C1GALT1: variants seen among roughly 807,000 people sequenced by gnomAD.
The protein encoded by C1GALT1 is core 1 synthase, glycoprotein-N-acetylgalactosamine 3-beta-galactosyltransferase 1, also known as glycoprotein-N-acetylgalactosamine 3-beta-galactosyltransferase 1.
Under a neutral mutation model 31.0 loss-of-function variants are expected in C1GALT1, and 11 were observed. The observed-to-expected ratio is 0.36, with a 90% confidence interval of 0.22 to 0.59. The LOEUF is 0.59. Among genes scored for constraint, C1GALT1 ranks in the 20% least tolerant of loss-of-function variants. The pLI, the probability that C1GALT1 is intolerant of heterozygous loss-of-function variation, is 0.79. For missense variants in C1GALT1, 424 were observed against 425.2 expected (o/e 1.00, Z 0.03); for synonymous variants, 175 against 143.6 (o/e 1.22, Z -1.56).
chr7:7,213,068 C>G (rs967311330), intron 1 of C1GALT1, among the ~76,000 whole-genome samples: 1 of 152,164 alleles, frequency 6.6e-6, no homozygotes, highest in African/African-American at 2.4e-5. Context: ...GTTGCTTAAA[C>G]TTTTTGAGTG....
intron 1 of C1GALT1, among the ~76,000 whole-genome samples, chr7:7,196,311 G>C (rs1781285479): frequency 6.6e-6 from 1 of 151,230 alleles, no homozygotes; most frequent in African/African-American, 2.4e-5. Context: ...AGAACATACG[G>C]TGTTTGGTTT....
At chr7:7,205,412 A>C (rs1781697832) in intron 1 of C1GALT1, among the ~76,000 whole-genome samples, 1 of 150,496 alleles carries the variant, frequency 6.6e-6, no homozygotes, top group Non-Finnish European at 1.5e-5. Flanking sequence ...TAATGTATTA[A>C]GAAAATTATA....
chr7:7,224,073 T>A (rs1232165507), intron 1 of C1GALT1, among the ~76,000 whole-genome samples: 1 of 152,226 alleles, frequency 6.6e-6, no homozygotes, highest in Non-Finnish European at 1.5e-5. Flanking sequence ...TTTTTAAATG[T>A]TGAACCATCC....
chr7:7,164,280 C>G (rs966848252), intron 2 of C1GALT1, among the ~76,000 whole-genome samples: 1 of 152,198 alleles, frequency 6.6e-6, no homozygotes, highest in Non-Finnish European at 1.5e-5. Flanking sequence ...AAAGCTGAAA[C>G]TGGATCCCTT....
At chr7:7,194,064 G>A (rs1326388942) in intron 1 of C1GALT1, among the ~76,000 whole-genome samples, 1 of 152,008 alleles carries the variant, frequency 6.6e-6, no homozygotes, top group Non-Finnish European at 1.5e-5. Context: ...CCAGTTCTAG[G>A]AGCTTTTTGG....
chr7:7,224,482 G>A (rs1782662845), intron 1 of C1GALT1, among the ~76,000 whole-genome samples: 1 of 151,906 alleles, frequency 6.6e-6, no homozygotes, highest in Non-Finnish European at 1.5e-5. Flanking sequence ...GGGGGGTGAG[G>A]GGAGTTTTAA....
rs187103088 is a variant in C1GALT1, at chr7:7,199,338, G to T, written c.-18+16518G>T. 2.0e-5 allele frequency among the ~76,000 whole-genome samples: 3 copies of T among 152,182 alleles called. No homozygotes were observed. In the East Asian group the frequency reaches 5.8e-4, roughly 29 times the overall value. Reference sequence around the variant, plus strand: ...GGCAGGTTGTTCAGTTTCCATGTAGGTGAGCGGTTTTGAGTGAGTTTCTTA... The same window carrying T: ...GGCAGGTTGTTCAGTTTCCATGTAGTTGAGCGGTTTTGAGTGAGTTTCTTA... On this transcript the variant is annotated intron_variant, in intron 1 of 3. Transcript: ENST00000436587.
In C1GALT1 at chr7:7,238,386, G is replaced by A. The variant is rs1429457677; in HGVS notation, c.352G>A (p.Val118Met). 2 of 1,614,098 alleles carry A rather than the reference G, an allele frequency of 1.2e-6. No individual in the cohort carries two copies. Among genetic ancestry groups the A allele is most frequent in the Non-Finnish European group, 1.7e-6 (2 of 1,179,994 alleles). Residue 118 changes from valine to methionine, a missense_variant, in exon 3 of 4, where the codon GTG (valine) becomes ATG (methionine). Transcript: ENST00000436587. This position sits in a 1 kb window ranked among gnomAD's most constrained non-coding sequence, Gnocchi z 5.2. ...KATWAQRCNK[V>M]LFMSSEENKD... ...TACTTGGGCCCAGCGTTGTAACAAA[G>A]TGTTGTTTATGAGTTCAGAAGAAAA...
At chr7:7,204,963 G>A (rs529069907) in intron 1 of C1GALT1, among the ~76,000 whole-genome samples, 93 of 152,240 alleles carry the variant, frequency 6.1e-4, no homozygotes, top group African/African-American at 2.0e-3. Flanking sequence ...TGTATCCTGG[G>A]AAATATCCCC....
intron 2 of C1GALT1, among the ~76,000 whole-genome samples, chr7:7,170,188 A>T (rs902801886): frequency 6.6e-6 from 1 of 151,948 alleles, no homozygotes; most frequent in Admixed American, 6.6e-5. Flanking sequence ...TTCTTTTGTC[A>T]GTTTAGCTAA....
chr7:7,185,904 T>G (rs1397760961), intron 1 of C1GALT1, among the ~76,000 whole-genome samples: 1 of 152,238 alleles, frequency 6.6e-6, no homozygotes, highest in Non-Finnish European at 1.5e-5. Context: ...GATGGGACAC[T>G]TACATTTATT....
Position 7,167,077 on chromosome 7 carries a change from G to GT in C1GALT1, c.-18+9652dup, listed in dbSNP as rs1780406390. Among the ~76,000 whole-genome samples the GT allele has an allele frequency of 2.0e-5, 3 of 152,308 alleles. No individual in the cohort carries two copies. In the South Asian group the frequency reaches 6.2e-4, roughly 32 times the overall value. The stretch of plus-strand genomic sequence containing the variant: ...GAGTATTCCACATAAATGCTCCTCT[G>GT]TATTACCCCAGGGTCTGGAAAAGTC... On this transcript the variant is annotated intron_variant, in intron 2 of 3. Transcript: ENST00000429911.
At chr7:7,205,583 T>C (rs533195955) in intron 1 of C1GALT1, among the ~76,000 whole-genome samples, 2 of 152,356 alleles carry the variant, frequency 1.3e-5, no homozygotes, top group African/African-American at 2.4e-5. Context: ...GGACCTATAC[T>C]GTTCAGACCC....
chr7:7,194,488 A>G (rs1781203955), intron 1 of C1GALT1, among the ~76,000 whole-genome samples: 1 of 152,028 alleles, frequency 6.6e-6, no homozygotes, highest in Non-Finnish European at 1.5e-5. Flanking sequence ...TGACTTGGGT[A>G]TGTTAAACCA....
At chr7:7,200,658 C>T (rs369460738) in intron 1 of C1GALT1, among the ~76,000 whole-genome samples, 4 of 152,296 alleles carry the variant, frequency 2.6e-5, no homozygotes, top group South Asian at 2.1e-4. Context: ...TTGGTCTTTT[C>T]ACATGGTCCC....
chr7:7,175,896 C>T (rs1228740302), intron 2 of C1GALT1, among the ~76,000 whole-genome samples: 4 of 151,912 alleles, frequency 2.6e-5, no homozygotes, highest in Admixed American at 2.0e-4. Context: ...TGGAAGGGCA[C>T]CAGGTCTATT....
Position 7,238,933 on chromosome 7 carries a change from A to C in C1GALT1, c.888+11A>C. The C allele has an allele frequency of 6.3e-7, 1 of 1,582,570 alleles. No homozygotes were observed. Among genetic ancestry groups the C allele is most frequent in the African/African-American group, 1.4e-5 (1 of 73,460 alleles). On this transcript the variant is annotated intron_variant, in intron 3 of 3. Transcript: ENST00000436587. The surrounding 1 kb of genome is among the most constrained non-coding windows in gnomAD (Gnocchi z 5.2). ...TATCCTCCTGTAGAGGTAAGTTTAG[A>C]AATTTTATTACTATGTCAATACTTG...
intron 1 of C1GALT1, among the ~76,000 whole-genome samples, chr7:7,202,034 C>T (rs1319622817): frequency 6.6e-6 from 1 of 152,208 alleles, no homozygotes; most frequent in Non-Finnish European, 1.5e-5. Context: ...CTGCTTCTTC[C>T]TTTATCCCTA....
chr7:7,237,789 A>G (rs944271200), intron 2 of C1GALT1, among the ~76,000 whole-genome samples: 1 of 152,174 alleles, frequency 6.6e-6, no homozygotes, highest in African/African-American at 2.4e-5. Context: ...ACTCGTTCAG[A>G]GCAGTGAGAA....
Sources: gnomAD v4.1 joint callset for allele counts (sites outside exome capture counted in the v4.1 genomes callset) on GRCh38, gnomAD v4.1.1 for gene constraint, Gnocchi (gnomAD v3.1) non-coding constraint, MANE v1.5 for transcripts, NCBI Gene and HGNC (gene_info 2026-07-23, HGNC 2026-07-21) for gene names.